R3HDM1: variants seen among roughly 807,000 people sequenced by gnomAD.
R3HDM1 encodes the protein R3H domain-containing protein 1.
Under a neutral mutation model 141.1 loss-of-function variants are expected in R3HDM1, and 46 were observed. The observed-to-expected ratio is 0.33, with a 90% CI of 0.26 to 0.42. The LOEUF (loss-of-function observed/expected upper bound fraction) is 0.42. Ranked by LOEUF, R3HDM1 falls within the 10% of genes least tolerant of loss-of-function variation. R3HDM1 has a pLI of 1.00. For synonymous variants in R3HDM1, 435 were observed against 472.9 expected (o/e 0.92, Z 1.04); for missense variants, 1,184 against 1,368.3 (o/e 0.87, Z 2.12).
intron 1 of R3HDM1, among the ~76,000 whole-genome samples, chr2:135,569,424 A>G (rs1007917708): frequency 1.3e-5 from 2 of 152,070 alleles, no homozygotes. Flanking sequence ...CAGAGGTTGC[A>G]GTGAGCCAAG....
rs1386522337 is a variant in R3HDM1 at position 135,583,926 on chromosome 2, C to G, written c.-249-18574C>G. On this transcript the variant is annotated intron_variant, in intron 1 of 26. Transcript: ENST00000683871. ...GTATTATCTTTTTACCTTATAACCA[C>G]AGTTAAACCCTGTAGAGTCAATATA... 3.0e-6 allele frequency: 3 copies of G among 985,320 alleles called. No individual in the cohort carries two copies. In the African/African-American group the frequency reaches 5.2e-5, roughly 17 times the overall value. 61.0% of individuals were successfully genotyped at this position (985,320 alleles called of 1,614,324 possible).
chr2:135,633,443 A>G (rs964154826), intron 9 of R3HDM1, among the ~76,000 whole-genome samples: 11 of 152,254 alleles, frequency 7.2e-5, no homozygotes, highest in Admixed American at 1.3e-4. Context: ...TTTGAATTAT[A>G]TGAATGATGT....
chr2:135,720,172 C>CT (rs564759625), intron 24 of R3HDM1, among the ~76,000 whole-genome samples: 69 of 152,302 alleles, frequency 4.5e-4, no homozygotes, highest in Non-Finnish European at 8.8e-4. Context: ...CACCTTCACA[C>CT]TTCACTTTGC....
chr2:135,645,655 T>C, intron 16 of R3HDM1, 128 bp downstream of exon 16: 2 of 1,096,156 alleles, frequency 1.8e-6, no homozygotes, highest in Non-Finnish European at 2.6e-6. Flanking sequence ...ACTAGTGATA[T>C]TCCACTCACT....
intron 1 of R3HDM1, among the ~76,000 whole-genome samples, chr2:135,554,303 CATA>C (rs1363419593): frequency 1.3e-5 from 2 of 152,156 alleles, no homozygotes; most frequent in Non-Finnish European, 2.9e-5. Flanking sequence ...CTTTATTTAG[CATA>C]ATGTTTTTGG....
rs538392303 is a variant in R3HDM1, at chr2:135,675,518, A to G, written c.2307+32A>G. On this transcript the variant is annotated intron_variant, in intron 20 of 26. Transcript: ENST00000683871. ...TGTCTCTTTTATGTACTTTGGGTAG[A>G]GATGATTTCGAATAAATTAAGTGCA... 10 of 1,569,114 alleles carry G rather than the reference A, an allele frequency of 6.4e-6. No homozygotes were observed. The Admixed American group carries it at 1.8e-4, about 28-fold the overall frequency.
At chr2:135,698,631 A>G (rs577688178) in intron 21 of R3HDM1, among the ~76,000 whole-genome samples, 1 of 152,290 alleles carries the variant, frequency 6.6e-6, no homozygotes, top group Admixed American at 6.5e-5. Context: ...TGAGTAATCT[A>G]TAAAGAAAAG....
intron 1 of R3HDM1, among the ~76,000 whole-genome samples, chr2:135,559,878 T>C (rs1701470599): frequency 6.6e-6 from 1 of 152,164 alleles, no homozygotes. Context: ...ACTTACTAAA[T>C]AAAAGGAAAA....
chr2:135,630,281 CAAA>C (rs911009655), intron 7 of R3HDM1, among the ~76,000 whole-genome samples: 3 of 39,296 alleles, frequency 7.6e-5, no homozygotes, highest in Admixed American at 3.6e-4. Context: ...CCTTCTCAAC[CAAA>C]AAAAAAAAAA....
chr2:135,637,575 G>A (rs2063381657), intron 11 of R3HDM1, among the ~76,000 whole-genome samples: 1 of 152,116 alleles, frequency 6.6e-6, no homozygotes, highest in African/African-American at 2.4e-5. Context: ...CTGAACTCAG[G>A]AAGTACAGGT....
intron 1 of R3HDM1, among the ~76,000 whole-genome samples, chr2:135,587,372 C>T (rs1708177740): frequency 6.6e-6 from 1 of 152,122 alleles, no homozygotes; most frequent in Non-Finnish European, 1.5e-5. Flanking sequence ...ATTCCTTCCC[C>T]CTCCATTTAC....
Position 135,570,652 on chromosome 2 carries a change from C to G in R3HDM1, c.-249-31848C>G, listed in dbSNP as rs148804605. On this transcript the variant is annotated intron_variant, in intron 1 of 26. Coordinates refer to ENST00000683871, the MANE Select transcript of R3HDM1 (RefSeq NM_001378107.1). ...AGGACCTAGGATAAAAATTAGTTCT[C>G]CCAAAGTTGTAGAAATGAGCACAAG... 5.6e-3 allele frequency among the ~76,000 whole-genome samples: 849 copies of G among 152,246 alleles called. 7 individuals are homozygous for G. Among genetic ancestry groups the G allele is most frequent in the African/African-American group, 0.019 (791 of 41,540 alleles).
In R3HDM1 at chr2:135,651,843, A is replaced by G. The variant is rs760905594; in HGVS notation, c.1839A>G (p.Pro613=). 38 of 1,613,846 alleles carry G rather than the reference A, an allele frequency of 2.4e-5. No homozygotes were observed. The Admixed American group carries it at 5.5e-4, about 23-fold the overall frequency. Residue 613 remains proline (P), a synonymous_variant, in exon 18 of 27, where the codon CCA becomes CCG. Transcript: ENST00000683871. ...MFQSTVVLQS[P]QQSGYIMTAA... ...AGTCCACTGTGGTTCTTCAGTCTCC[A>G]CAGCAGTCTGGTTATATCATGACAG...
chr2:135,653,820 C>T (rs1238517181), intron 18 of R3HDM1, among the ~76,000 whole-genome samples: 1 of 152,038 alleles, frequency 6.6e-6, no homozygotes, highest in Non-Finnish European at 1.5e-5. Context: ...CCTAGCTACT[C>T]GGTAGCGTGA....
intron 16 of R3HDM1, among the ~76,000 whole-genome samples, chr2:135,646,019 G>A (rs1429423603): frequency 6.6e-6 from 1 of 152,042 alleles, no homozygotes; most frequent in Admixed American, 6.6e-5. Context: ...TTTTGAGTTT[G>A]TAAAAATGTT....
intron 1 of R3HDM1, among the ~76,000 whole-genome samples, chr2:135,598,605 G>A (rs2059380844): frequency 6.6e-6 from 1 of 152,066 alleles, no homozygotes; most frequent in African/African-American, 2.4e-5. Flanking sequence ...GCTGTGTGAT[G>A]TTGGACAAAT....
At chr2:135,552,981 C>T (rs1317554839) in intron 1 of R3HDM1, among the ~76,000 whole-genome samples, 2 of 151,920 alleles carry the variant, frequency 1.3e-5, no homozygotes, top group African/African-American at 2.4e-5. Context: ...TGGGCTCAAG[C>T]GATCCACCTA....
chr2:135,710,197 G>A lies in R3HDM1; in HGVS notation c.2702G>A (p.Cys901Tyr), dbSNP rs1172916432. The part of the protein sequence containing the change: ...YYCDHQRGQK[C>Y]VEFSSVDNIV... ...TGTGATCACCAGAGAGGACAGAAGTGTGTAGAATTTAGCAGTGTAGACAAT... is the reference window on the plus strand; with the variant it reads ...TGTGATCACCAGAGAGGACAGAAGTATGTAGAATTTAGCAGTGTAGACAAT... Residue 901 changes from cysteine (C) to tyrosine (Y), a missense_variant, in exon 23 of 27, where the codon TGT (cysteine) becomes TAT (tyrosine). Around this residue, in one of 5 missense-constraint regions of R3HDM1, gnomAD observed 563 missense variants for 562.0 expected, o/e 1.00. Coordinates refer to ENST00000683871, the MANE Select transcript of R3HDM1 (RefSeq NM_001378107.1). The A allele has an allele frequency of 3.1e-6, 5 of 1,614,112 alleles. No individual in the cohort carries two copies. Among genetic ancestry groups the A allele is most frequent in the East Asian group, 4.5e-5 (2 of 44,890 alleles).
intron 1 of R3HDM1, among the ~76,000 whole-genome samples, chr2:135,542,591 T>A (rs1286654144): frequency 6.6e-6 from 1 of 152,222 alleles, no homozygotes; most frequent in African/African-American, 2.4e-5. Context: ...TCAAGAGGCA[T>A]TATTCAACCA....
Sources: allele counts gnomAD v4.1 joint callset (sites outside exome capture counted in the v4.1 genomes callset), GRCh38; gene constraint gnomAD v4.1.1; regional missense constraint gnomAD v4.1.1; transcripts MANE v1.5; gene names NCBI Gene and HGNC (gene_info 2026-07-23, HGNC 2026-07-21).